Variants in DSCAM observed in about 807,000 individuals in gnomAD.
DSCAM encodes the protein cell adhesion molecule DSCAM.
A neutral mutation model predicts 217.7 loss-of-function variants in DSCAM; 47 were observed. The ratio of observed to expected loss-of-function variants is 0.22; its 90% confidence interval spans 0.17 to 0.28. DSCAM has a LOEUF of 0.28. Ranked by LOEUF, DSCAM falls within the 10% of genes least tolerant of loss-of-function variation. The pLI is 1.00. For synonymous variants in DSCAM, 1,056 were observed against 1,015.3 expected (o/e 1.04, Z -0.76); for missense variants, 2,080 against 2,618.3 (o/e 0.79, Z 4.49).
At chr21:40,036,003 C>T (rs202009032) in intron 32 of DSCAM, among the ~76,000 whole-genome samples, 107 of 139,248 alleles carry the variant, frequency 7.7e-4, no homozygotes, top group South Asian at 2.0e-3. Flanking sequence ...ATCTCTGGGA[C>T]GCATTCAAAG....
intron 11 of DSCAM, among the ~76,000 whole-genome samples, chr21:40,217,650 C>T (rs550024683): frequency 2.0e-5 from 3 of 152,248 alleles, no homozygotes; most frequent in African/African-American, 4.8e-5. Context: ...TTCTCCACAA[C>T]CTCTCCAGCA....
intron 3 of DSCAM, among the ~76,000 whole-genome samples, chr21:40,599,258 GGTTT>G (rs1259075948): frequency 6.6e-6 from 1 of 152,060 alleles, no homozygotes; most frequent in Non-Finnish European, 1.5e-5. Context: ...AGAACATGCA[GGTTT>G]GTTACATAGG....
intron 3 of DSCAM, among the ~76,000 whole-genome samples, chr21:40,688,395 T>TA (rs2090505493): frequency 6.6e-6 from 1 of 152,200 alleles, no homozygotes; most frequent in Non-Finnish European, 1.5e-5. Flanking sequence ...TATTGTTTTT[T>TA]TCCAGGATGG....
At chr21:40,782,708 C>G (rs191512838) in intron 1 of DSCAM, among the ~76,000 whole-genome samples, 1 of 151,978 alleles carries the variant, frequency 6.6e-6, no homozygotes, top group South Asian at 2.1e-4. Context: ...CCAGCCTGGT[C>G]CATAGAGTGA....
chr21:40,557,003 A>G (rs1389632186), intron 3 of DSCAM, among the ~76,000 whole-genome samples: 1 of 152,014 alleles, frequency 6.6e-6, no homozygotes, highest in Non-Finnish European at 1.5e-5. Flanking sequence ...AGAAGGTGGA[A>G]GGGGAGGCAG....
intron 9 of DSCAM, among the ~76,000 whole-genome samples, chr21:40,298,780 T>C (rs1569049302): frequency 6.6e-6 from 1 of 152,194 alleles, no homozygotes. Flanking sequence ...TGCTCATCAA[T>C]GGACAGGGTA....
At chr21:40,563,588 T>TAC (rs1568907535) in intron 3 of DSCAM, among the ~76,000 whole-genome samples, 40 of 69,990 alleles carry the variant, frequency 5.7e-4, no homozygotes, top group African/African-American at 1.4e-3. Flanking sequence ...TATGTTTATA[T>TAC]GTTTATATGT....
chr21:40,545,911 C>G (rs532916127), intron 3 of DSCAM, among the ~76,000 whole-genome samples: 2 of 152,316 alleles, frequency 1.3e-5, no homozygotes, highest in African/African-American at 4.8e-5. Context: ...AAAGTCAGGT[C>G]CAGTCTGGGC....
chr21:40,828,524 G>A (rs2091987671), intron 1 of DSCAM, among the ~76,000 whole-genome samples: 1 of 152,076 alleles, frequency 6.6e-6, no homozygotes, highest in Admixed American at 6.6e-5. Context: ...TAGCCAAATG[G>A]CACTCCGCTC....
chr21:40,661,042 G>C (rs1601829633), intron 3 of DSCAM, among the ~76,000 whole-genome samples: 1 of 152,092 alleles, frequency 6.6e-6, no homozygotes, highest in East Asian at 1.9e-4. Flanking sequence ...AACACCCCAG[G>C]CTCACTCACC....
intron 8 of DSCAM, among the ~76,000 whole-genome samples, chr21:40,322,683 C>G (rs1174451002): frequency 6.6e-6 from 1 of 152,080 alleles, no homozygotes; most frequent in Non-Finnish European, 1.5e-5. Flanking sequence ...CGCCATTACA[C>G]CTGGCTAATT....
rs2088772361 is a variant in DSCAM at position 40,042,566 on chromosome 21, T to C, written c.5491A>G (p.Lys1831Glu). The C allele has an allele frequency of 1.4e-5, 22 of 1,614,194 alleles. No individual in the cohort carries two copies. The highest frequency in any genetic ancestry group is 1.9e-5 in the Non-Finnish European group (22 of 1,180,034). ...ATGAAGCACTCCGTGATGGTGAACT[T>C]GGCGTGCCTCAGTTGCTCTTCCATC... Reference protein sequence around the residue: ...AKMEEQLRHAKFTITECFISD... With the variant: ...AKMEEQLRHAEFTITECFISD... Residue 1831 changes from lysine (K) to glutamate (E), a missense_variant, in exon 32 of 33, where the codon AAG becomes GAG. By Grantham distance (56) the Lys-to-Glu change is moderately conservative. Around this residue, in one of 5 missense-constraint regions of DSCAM, gnomAD observed 1,144 missense variants for 1,421.1 expected, o/e 0.81. Transcript: ENST00000400454.
intron 11 of DSCAM, among the ~76,000 whole-genome samples, chr21:40,202,904 A>G (rs2091085589): frequency 6.6e-6 from 1 of 152,130 alleles, no homozygotes; most frequent in Non-Finnish European, 1.5e-5. Context: ...TCATTTGACT[A>G]TGCTAGTATC....
At chr21:40,291,569 C>T (rs2073892416) in intron 10 of DSCAM, among the ~76,000 whole-genome samples, 1 of 152,216 alleles carries the variant, frequency 6.6e-6, no homozygotes, top group African/African-American at 2.4e-5. Context: ...CTGGATCATT[C>T]CAGGCATCAA....
At chr21:40,070,064 TG>T (rs142636936) in intron 27 of DSCAM, among the ~76,000 whole-genome samples, 2,019 of 152,176 alleles carry the variant, frequency 0.013, 49 homozygotes, top group African/African-American at 0.045. Flanking sequence ...CTCACCCCCA[TG>T]CTCTTTTGCT....
rs775284853 is a variant in DSCAM at position 40,051,997 on chromosome 21, C to T, written c.5146G>A (p.Gly1716Arg). ...GCGTCTGAAACATCCACTAAGGGCC[C>T]AGTGGCCTGAGACACCGATTGGTAA... is the stretch of plus-strand genomic sequence containing the variant. The part of the protein sequence containing the change: ...VHYQSVSQAT[G>R]PLVDVSDARP... Residue 1716 changes from glycine to arginine, a missense_variant, in exon 30 of 33, where the codon GGG (glycine) becomes AGG (arginine). By Grantham distance (125) the Gly-to-Arg change is moderately radical. Around this residue, in one of 5 missense-constraint regions of DSCAM, gnomAD observed 1,144 missense variants for 1,421.1 expected, o/e 0.81. Transcript: ENST00000400454. The T allele has an allele frequency of 1.2e-6, 2 of 1,613,686 alleles. No individual in the cohort carries two copies. Among genetic ancestry groups the T allele is most frequent in the Non-Finnish European group, 1.7e-6 (2 of 1,179,880 alleles).
intron 8 of DSCAM, among the ~76,000 whole-genome samples, chr21:40,334,569 C>T (rs2074409751): frequency 6.6e-6 from 1 of 152,144 alleles, no homozygotes; most frequent in African/African-American, 2.4e-5. Flanking sequence ...ATTCACTTTC[C>T]AACAGGTCAT....
At position 40,040,013 on chromosome 21, in the gene DSCAM, G is replaced by T. The variant is rs138433353; in HGVS notation, c.5686+2358C>A. ...CTAGGAGCTGCTAATTGTATCACAA[G>T]CTCTAGTTAGCAGAATAGTAAACTG... On this transcript the variant is annotated intron_variant, in intron 32 of 32. Coordinates refer to ENST00000400454, the MANE Select transcript of DSCAM (RefSeq NM_001389.5). 3.0e-3 allele frequency among the ~76,000 whole-genome samples: 462 copies of T among 152,306 alleles called. 2 individuals carry two copies. Among genetic ancestry groups the T allele is most frequent in the African/African-American group, 0.011 (441 of 41,558 alleles).
intron 1 of DSCAM, among the ~76,000 whole-genome samples, chr21:40,770,756 C>G (rs1279949045): frequency 6.6e-6 from 1 of 152,144 alleles, no homozygotes; most frequent in African/African-American, 2.4e-5. Flanking sequence ...AACTGAGGCA[C>G]AGAAAGGTTA....
Sources: allele counts gnomAD v4.1 joint callset (sites outside exome capture counted in the v4.1 genomes callset), GRCh38; gene constraint gnomAD v4.1.1; regional missense constraint gnomAD v4.1.1; transcripts MANE v1.5; gene names NCBI Gene and HGNC (gene_info 2026-07-23, HGNC 2026-07-21).